The following EIF3A variants were observed in gnomAD, a reference collection of about 807,000 sequenced individuals.
The protein encoded by EIF3A is eukaryotic translation initiation factor 3 subunit A, also known as EIF3, p180 subunit.
In EIF3A, 21 loss-of-function variants were observed where a neutral mutation model predicts 186.6. The observed-to-expected ratio is 0.11, with a 90% CI of 0.08 to 0.16. The LOEUF (loss-of-function observed/expected upper bound fraction) is 0.16, where lower values mean the gene tolerates loss of function less well. Among genes scored for constraint, EIF3A ranks in the 10% least tolerant of loss-of-function variants. The probability of loss-of-function intolerance (pLI) is 1.00; values close to 1 mark genes in which losing one functional copy is unlikely to be tolerated. For synonymous variants in EIF3A, 563 were observed against 584.3 expected, an observed-to-expected ratio of 0.96 and a Z score of 0.52; for missense variants, 1,306 against 1,796.3, an observed-to-expected ratio of 0.73 and a Z score of 4.93.
chr10:119,059,975 T>C, intron 9 of EIF3A: 1 of 546,586 alleles, frequency 1.8e-6, no homozygotes, highest in Middle Eastern at 5.4e-4. Context: ...AAAAACCTGC[T>C]ACTTACCGAA....
chr10:119,041,005 C>CA (rs34452005), intron 19 of EIF3A, among the ~76,000 whole-genome samples: 27,716 of 78,702 alleles, frequency 0.35, 3,894 homozygotes, highest in Admixed American at 0.43. Context: ...ACTCCGTCTC[C>CA]AAAAAAAAAA....
intron 18 of EIF3A, among the ~76,000 whole-genome samples, chr10:119,043,554 G>C (rs113144594): frequency 0.028 from 4,313 of 152,216 alleles, 196 homozygotes; most frequent in African/African-American, 0.097. Flanking sequence ...GGTTGAGGCT[G>C]TAGTGAGCCG....
intron 6 of EIF3A, among the ~76,000 whole-genome samples, chr10:119,068,042 C>T (rs1270263276): frequency 6.6e-6 from 1 of 152,166 alleles, no homozygotes; most frequent in African/African-American, 2.4e-5. Flanking sequence ...AACTCCTAAC[C>T]CTAAGTGATC....
Position 119,042,592 on chromosome 10 carries a change from C to T in EIF3A, c.2928G>A (p.Arg976=). ...RGPRRGPEED[R]FSRRGADDDR... The stretch of plus-strand genomic sequence containing the variant: ...CATCGTCTGCCCCACGACGAGAGAA[C>T]CTATCTTCCTCAGGACCACGTCTAG... Residue 976 remains arginine (R), a synonymous_variant, in exon 19 of 22, where the codon AGG becomes AGA. Transcript: ENST00000369144. The surrounding 1 kb of genome is among the most constrained non-coding windows in gnomAD (Gnocchi z 7.8). The T allele has an allele frequency of 6.2e-7, 1 of 1,614,154 alleles. No homozygotes were observed. Among genetic ancestry groups the T allele is most frequent in the Non-Finnish European group, 8.5e-7 (1 of 1,180,036 alleles).
chr10:119,050,500 A>G, intron 16 of EIF3A, 21 bp downstream of exon 16: 2 of 1,610,312 alleles, frequency 1.2e-6, no homozygotes, highest in Non-Finnish European at 1.7e-6. Context: ...GCACCCCTCC[A>G]ATCCTGTTTG....
chr10:119,065,918 C>T (rs187311602), intron 6 of EIF3A, among the ~76,000 whole-genome samples: 2 of 151,024 alleles, frequency 1.3e-5, no homozygotes, highest in East Asian at 2.0e-4. Flanking sequence ...AGATCGAGAC[C>T]ATCCTGGCTA....
chr10:119,072,768 A>G, intron 4 of EIF3A, 122 bp downstream of exon 4: 2 of 1,224,252 alleles, frequency 1.6e-6, no homozygotes, highest in Non-Finnish European at 1.1e-6. Flanking sequence ...GTCATTTAAT[A>G]CTCATGTGAA....
chr10:119,060,457 A>T (rs1481783208), intron 9 of EIF3A, among the ~76,000 whole-genome samples: 1 of 152,244 alleles, frequency 6.6e-6, no homozygotes, highest in Non-Finnish European at 1.5e-5. Flanking sequence ...GGTTTTCATC[A>T]AGAGAGTCTG....
rs796769658 is a variant in EIF3A, at chr10:119,042,834, ATTT to A, written c.2748-65_2748-63del. The A allele has an allele frequency of 7.1e-7, 1 of 1,417,966 alleles. No homozygotes were observed. The highest frequency in any genetic ancestry group is 1.5e-5 in the African/African-American group (1 of 68,786). The allele number at this position is 1,417,966 out of a possible 1,614,324, so 87.8% of individuals were successfully genotyped here. Reference sequence around the variant, plus strand: ...TAAAAAAGCATATGATCCTTTGGGGATTTTTTTTTTCACATGCTTTTTAAAAAC... The same window carrying A: ...TAAAAAAGCATATGATCCTTTGGGGATTTTTTTCACATGCTTTTTAAAAAC... On this transcript the variant is annotated intron_variant, in intron 18 of 21. Transcript: ENST00000369144. The surrounding 1 kb of genome is among the most constrained non-coding windows in gnomAD (Gnocchi z 7.8).
At chr10:119,053,202 G>A (rs190258726) in intron 14 of EIF3A, among the ~76,000 whole-genome samples, 82 of 152,158 alleles carry the variant, frequency 5.4e-4, no homozygotes, top group African/African-American at 1.4e-3. Context: ...GTTCTTTCAT[G>A]TACAGACCAC....
At chr10:119,073,333 T>C in intron 3 of EIF3A, 108 bp downstream of exon 3, 2 of 888,176 alleles carry the variant, frequency 2.3e-6, no homozygotes, top group African/African-American at 1.7e-5. Flanking sequence ...CTTCAAAGAT[T>C]TGCATTTTTT....
rs1844245662 is a variant in EIF3A at position 119,080,423 on chromosome 10, C to A, written c.49+205G>T. 8 of 985,330 alleles carry A rather than the reference C, an allele frequency of 8.1e-6. No individual in the cohort carries two copies. In the South Asian group the frequency reaches 3.3e-4, roughly 40 times the overall value. The allele number at this position is 985,330 out of a possible 1,614,324, so 61.0% of individuals were successfully genotyped here. A position where few individuals can be genotyped will look rare whatever the true frequency, so the allele number is the denominator to read the frequency against. ...AGGAAAGGCCCCTGGGGCGACGGTTCCGGGCTACGCGCCTCCCAGACCCCA... is the reference window on the plus strand; with the variant it reads ...AGGAAAGGCCCCTGGGGCGACGGTTACGGGCTACGCGCCTCCCAGACCCCA... On this transcript the variant is annotated intron_variant, in intron 1 of 21. Coordinates refer to ENST00000369144, the MANE Select transcript of EIF3A (RefSeq NM_003750.4).
chr10:119,041,164 C>T lies in EIF3A; in HGVS notation c.3526+830G>A, dbSNP rs1848203441. Among the ~76,000 whole-genome samples, 3 of 151,788 alleles carry T rather than the reference C, an allele frequency of 2.0e-5. 1 individual carries two copies. The highest frequency in any genetic ancestry group is 6.6e-5 in the Admixed American group (1 of 15,242). On this transcript the variant is annotated intron_variant, in intron 19 of 21. Transcript: ENST00000369144. ...CTGCACTCCAGCCTGGGAGACAGAG[C>T]AAGACTCCACCTCAAAAAGAAAAAA...
In EIF3A at chr10:119,034,413, C is replaced by G. The variant is rs1193445827; in HGVS notation, c.*1626G>C. 1 of 153,408 alleles carries G rather than the reference C, an allele frequency of 6.5e-6. No individual in the cohort carries two copies. Among genetic ancestry groups the G allele is most frequent in the Non-Finnish European group, 1.5e-5 (1 of 68,046 alleles). The allele number at this position is 153,408 out of a possible 1,614,324, so 9.5% of individuals were successfully genotyped here. On this transcript the variant is annotated 3_prime_UTR_variant, in exon 22 of 22. Coordinates refer to ENST00000369144, the MANE Select transcript of EIF3A (RefSeq NM_003750.4). Reference sequence around the variant, plus strand: ...TACCTGTGATGTCACACATACAGATCTACTCTCCAGGAAGCAAACTCTTAG... The same window carrying G: ...TACCTGTGATGTCACACATACAGATGTACTCTCCAGGAAGCAAACTCTTAG...
intron 14 of EIF3A, 117 bp downstream of exon 14, chr10:119,056,623 T>C (rs1026209718): frequency 2.9e-6 from 2 of 689,936 alleles, no homozygotes; most frequent in African/African-American, 1.8e-5. Flanking sequence ...AGGCAGCCAT[T>C]AGAGCACCAT....
chr10:119,067,288 C>A (rs1412993506), intron 6 of EIF3A, among the ~76,000 whole-genome samples: 1 of 151,318 alleles, frequency 6.6e-6, no homozygotes, highest in Non-Finnish European at 1.5e-5. Flanking sequence ...TCAAGAGTTT[C>A]TAAGAAAATA....
intron 15 of EIF3A, 108 bp from the exon 16 acceptor site, chr10:119,050,782 T>C (rs563054386): frequency 1.6e-6 from 2 of 1,234,770 alleles, no homozygotes; most frequent in Non-Finnish European, 1.1e-6. Flanking sequence ...ATCAGAATCA[T>C]CGAAAGCAAC....
At chr10:119,049,760 T>G (rs1472060516) in intron 17 of EIF3A, 41 bp downstream of exon 17, 1 of 1,525,268 alleles carries the variant, frequency 6.6e-7, no homozygotes, top group Non-Finnish European at 8.9e-7. Context: ...AAAAAAAAAG[T>G]CACATTAAAA....
chr10:119,059,562 C>T (rs1459207380), intron 10 of EIF3A, 40 bp downstream of exon 10: 1 of 1,512,536 alleles, frequency 6.6e-7, no homozygotes, highest in South Asian at 1.1e-5. Flanking sequence ...CTTTCTAGCC[C>T]TCAAGGGCCT....
Sources: allele counts gnomAD v4.1 joint callset (sites outside exome capture counted in the v4.1 genomes callset), GRCh38; gene constraint gnomAD v4.1.1; non-coding constraint Gnocchi (gnomAD v3.1); transcripts MANE v1.5; gene names NCBI Gene and HGNC (gene_info 2026-07-23, HGNC 2026-07-21).